Variants in PMEPA1 observed in about 807,000 individuals in gnomAD.
The protein encoded by PMEPA1 is prostate transmembrane protein, androgen induced 1, also known as protein TMEPAI.
Under a neutral mutation model 23.0 loss-of-function variants are expected in PMEPA1, and 11 were observed. That is an observed-to-expected ratio of 0.48 (90% CI 0.30 to 0.79). PMEPA1 has a LOEUF of 0.79. PMEPA1 is among the 30% of genes least tolerant of loss of function. The pLI, the probability that PMEPA1 is intolerant of heterozygous loss-of-function variation, is 0.06. For missense variants in PMEPA1, 377 were observed against 390.9 expected, an observed-to-expected ratio of 0.96 and a Z score of 0.30; for synonymous variants, 204 against 166.4, an observed-to-expected ratio of 1.23 and a Z score of -1.74.
chr20:57,664,098 C>T (rs535731531), intron 1 of PMEPA1, among the ~76,000 whole-genome samples: 77 of 152,328 alleles, frequency 5.1e-4, no homozygotes, highest in African/African-American at 1.5e-3. Flanking sequence ...TGCCTGCTGG[C>T]GAGGTCGGTC....
At chr20:57,664,766 G>GGAGCC (rs2071470222) in intron 1 of PMEPA1, among the ~76,000 whole-genome samples, 1 of 152,236 alleles carries the variant, frequency 6.6e-6, no homozygotes, top group Non-Finnish European at 1.5e-5. Context: ...CTGTGAAGCT[G>GGAGCC]TGGTCCTTTA....
chr20:57,671,322 T>C (rs977754858), intron 1 of PMEPA1, among the ~76,000 whole-genome samples: 1 of 152,078 alleles, frequency 6.6e-6, no homozygotes, highest in Non-Finnish European at 1.5e-5. Context: ...AATGTGTTTG[T>C]TAATTGAGGA....
intron 2 of PMEPA1, among the ~76,000 whole-genome samples, chr20:57,659,130 C>A (rs2071370104): frequency 1.3e-5 from 2 of 152,074 alleles, no homozygotes; most frequent in Admixed American, 6.5e-5. Context: ...CCCCCAGGTC[C>A]CAGTGGTCGC....
In PMEPA1 at chr20:57,652,604, G is replaced by A; in HGVS notation, c.319-6C>T. 1 of 1,467,550 alleles carries A rather than the reference G, an allele frequency of 6.8e-7. No individual in the cohort carries two copies. Among genetic ancestry groups the A allele is most frequent in the South Asian group, 1.4e-5 (1 of 70,614 alleles). The allele number at this position is 1,467,550 out of a possible 1,614,324, so 90.9% of individuals were successfully genotyped here. On this transcript the variant is annotated splice_polypyrimidine_tract_variant and splice_region_variant and intron_variant, in intron 3 of 3. Coordinates refer to ENST00000341744, the MANE Select transcript of PMEPA1 (RefSeq NM_020182.5). The surrounding 1 kb of genome is among the most constrained non-coding windows in gnomAD (Gnocchi z 6.1). ...GGCGGGGCGTAGACCTGCGGCTGGA[G>A]GAAGCAGAGCGGGAGTGAGGGAGGG...
At chr20:57,686,302 T>C (rs2071800307) in intron 1 of PMEPA1, among the ~76,000 whole-genome samples, 1 of 152,214 alleles carries the variant, frequency 6.6e-6, no homozygotes, top group Admixed American at 6.5e-5. Context: ...TCCAGCGACC[T>C]TTCTCTGATG....
intron 1 of PMEPA1, among the ~76,000 whole-genome samples, chr20:57,702,967 C>G (rs556309404): frequency 1.3e-5 from 2 of 152,354 alleles, no homozygotes; most frequent in Admixed American, 1.3e-4. Context: ...GGTGCTGAAG[C>G]CCCTGCCCTG....
chr20:57,651,891 A>C lies in PMEPA1; in HGVS notation c.*162T>G. 1 of 451,986 alleles carries C rather than the reference A, an allele frequency of 2.2e-6. No individual in the cohort carries two copies. The highest frequency in any genetic ancestry group is 3.7e-6 in the Non-Finnish European group (1 of 267,636). The allele number at this position is 451,986 out of a possible 1,614,324, so 28.0% of individuals were successfully genotyped here. On this transcript the variant is annotated 3_prime_UTR_variant, in exon 4 of 4. Transcript: ENST00000341744. ...GCAAGCTCTCTTAGCTTGTGCATTC[A>C]GACCAGACATCACATGTAAATATTT... is the stretch of plus-strand genomic sequence containing the variant.
chr20:57,660,715 C>T (rs1352240519), intron 1 of PMEPA1, among the ~76,000 whole-genome samples: 2 of 143,120 alleles, frequency 1.4e-5, no homozygotes, highest in Admixed American at 1.4e-4. Context: ...AATAACACCC[C>T]AACACGTACC....
At chr20:57,708,231 TAGGGGCAGCCTGGCCCCCAGC>T (rs1223969885) in intron 1 of PMEPA1, among the ~76,000 whole-genome samples, 1 of 152,210 alleles carries the variant, frequency 6.6e-6, no homozygotes, top group Admixed American at 6.5e-5. Context: ...GGGCCCCAGC[TAGGGGCAGCCTGGCCCCCAGC>T]AGGGAAGGAC....
Position 57,706,349 on chromosome 20 carries a change from A to C in PMEPA1, c.109+3125T>G, listed in dbSNP as rs567310874. On this transcript the variant is annotated intron_variant, in intron 1 of 3. Transcript: ENST00000341744. ...AAATGAGGTAGATGAGGTTGCCAGG[A>C]AAACCAGGTGCCAGGAGTCCTTTCC... 5.9e-5 allele frequency among the ~76,000 whole-genome samples: 9 copies of C among 152,340 alleles called. No individual in the cohort carries two copies. The South Asian group carries it at 1.9e-3, about 32-fold the overall frequency.
At chr20:57,684,018 A>AC (rs1214256328) in intron 1 of PMEPA1, among the ~76,000 whole-genome samples, 3 of 151,832 alleles carry the variant, frequency 2.0e-5, no homozygotes, top group African/African-American at 7.3e-5. Flanking sequence ...ACCACGCCCC[A>AC]CCCCCGGCTC....
chr20:57,698,555 G>T (rs1270519918), intron 1 of PMEPA1, among the ~76,000 whole-genome samples: 1 of 152,192 alleles, frequency 6.6e-6, no homozygotes, highest in Admixed American at 6.5e-5. Context: ...ATTACTCAGG[G>T]TGTTTGCGCA....
chr20:57,695,781 G>A (rs913453363), intron 1 of PMEPA1, among the ~76,000 whole-genome samples: 7 of 152,152 alleles, frequency 4.6e-5, no homozygotes, highest in Non-Finnish European at 8.8e-5. Flanking sequence ...TTGGGGCTGA[G>A]GGCAGCTTAG....
intron 2 of PMEPA1, 49 bp downstream of exon 2, chr20:57,659,494 G>A (rs374222961): frequency 8.8e-6 from 14 of 1,584,282 alleles, no homozygotes; most frequent in South Asian, 5.6e-5. Context: ...TACAAGGGGC[G>A]TCCCACTGCC....
intron 1 of PMEPA1, among the ~76,000 whole-genome samples, chr20:57,684,036 C>A (rs2146686280): frequency 6.6e-6 from 1 of 152,318 alleles, no homozygotes; most frequent in African/African-American, 2.4e-5. Flanking sequence ...CTCCGCAACA[C>A]CGCAGTCAAG....
At position 57,651,288 on chromosome 20, in the gene PMEPA1, C is replaced by T. The variant is rs1159051620; in HGVS notation, c.*765G>A. 2.6e-5 allele frequency: 4 copies of T among 152,610 alleles called. No individual in the cohort carries two copies. The highest frequency in any genetic ancestry group is 3.2e-3 in the Middle Eastern group (1 of 316). The allele number at this position is 152,610 out of a possible 1,614,324, so 9.5% of individuals were successfully genotyped here. ...TGGCCCCTCGGGAAAGCCCGCCGCT[C>T]CTGGCCAAGGCCTCTCTGCAGACTC... is the stretch of plus-strand genomic sequence containing the variant. On this transcript the variant is annotated 3_prime_UTR_variant, in exon 4 of 4. Transcript: ENST00000341744.
At chr20:57,678,028 G>T (rs2071661734) in intron 1 of PMEPA1, among the ~76,000 whole-genome samples, 1 of 152,228 alleles carries the variant, frequency 6.6e-6, no homozygotes, top group Admixed American at 6.5e-5. Flanking sequence ...GAGATTAGTG[G>T]TTTCATGGGT....
chr20:57,696,459 G>A (rs116869173), intron 1 of PMEPA1, among the ~76,000 whole-genome samples: 1,725 of 152,316 alleles, frequency 0.011, 18 homozygotes, highest in Non-Finnish European at 0.016. Context: ...GCTCTGCGGT[G>A]TGCTGGGCAA....
chr20:57,666,897 C>G (rs2071500661), intron 1 of PMEPA1, among the ~76,000 whole-genome samples: 2 of 152,226 alleles, frequency 1.3e-5, no homozygotes, highest in African/African-American at 2.4e-5. Context: ...GCAGCATTGC[C>G]CCAATCACAG....
Sources: allele counts gnomAD v4.1 joint callset (sites outside exome capture counted in the v4.1 genomes callset), GRCh38; gene constraint gnomAD v4.1.1; non-coding constraint Gnocchi (gnomAD v3.1); transcripts MANE v1.5; gene names NCBI Gene and HGNC (gene_info 2026-07-23, HGNC 2026-07-21).